Variants in SAMD5 observed in about 807,000 individuals in gnomAD.
SAMD5 encodes the protein sterile alpha motif domain containing 5.
In SAMD5, 13 loss-of-function variants were observed where a neutral mutation model predicts 11.3. The ratio of observed to expected loss-of-function variants is 1.15; its 90% CI spans 0.75 to 1.83. The LOEUF (loss-of-function observed/expected upper bound fraction) is 1.83. Ranked by LOEUF, SAMD5 falls within the 40% of genes most tolerant of loss-of-function variation. The pLI, the probability that SAMD5 is intolerant of heterozygous loss-of-function variation, is 0.00. For missense variants in SAMD5, 255 were observed against 239.1 expected (o/e 1.07, Z -0.44); for synonymous variants, 129 against 111.3 (o/e 1.16, Z -1.00).
chr6:147,877,889 A>C, the SAMD5 span, among the ~76,000 whole-genome samples: 1 of 76,790 alleles, frequency 1.3e-5, no homozygotes, highest in Admixed American at 1.5e-4. Context: ...CACGATAGAT[A>C]GATAGCTAGA....
At chr6:147,613,542 G>A (rs528159141) in intron 1 of SAMD5, among the ~76,000 whole-genome samples, 3 of 151,650 alleles carry the variant, frequency 2.0e-5, no homozygotes, top group East Asian at 3.9e-4. Flanking sequence ...CACCAGGCCC[G>A]CTGCCTGCTG....
At chr6:147,625,555 A>G (rs1036541467) in intron 1 of SAMD5, among the ~76,000 whole-genome samples, 23 of 152,202 alleles carry the variant, frequency 1.5e-4, no homozygotes, top group African/African-American at 5.5e-4. Flanking sequence ...ATATAAGGAT[A>G]TATTAAGATT....
chr6:147,527,804 G>T lies in SAMD5; in HGVS notation c.459+18417G>T, dbSNP rs1319047024. 4.0e-5 allele frequency among the ~76,000 whole-genome samples: 6 copies of T among 151,844 alleles called. No homozygotes were observed. The South Asian group carries it at 6.2e-4, about 16-fold the overall frequency. ...AAATAGGTGTTTTTAATAAAGAAAG[G>T]TTTTTTTTATAAAGAGGTAATTTAT... On this transcript the variant is annotated intron_variant, in intron 1 of 1. Transcript: ENST00000367474.
intron 1 of SAMD5, among the ~76,000 whole-genome samples, chr6:147,587,822 T>G (rs1411528764): frequency 6.6e-6 from 1 of 152,182 alleles, no homozygotes; most frequent in African/African-American, 2.4e-5. Flanking sequence ...CAATCACTTA[T>G]TTTGTTAAGT....
intron 1 of SAMD5, among the ~76,000 whole-genome samples, chr6:147,598,728 C>A (rs747513424): frequency 1.3e-5 from 2 of 152,120 alleles, no homozygotes; most frequent in African/African-American, 2.4e-5. Flanking sequence ...CTGACATGTG[C>A]GTGCATTCAT....
At chr6:147,581,948 A>G (rs1247015111) in intron 1 of SAMD5, among the ~76,000 whole-genome samples, 2 of 152,126 alleles carry the variant, frequency 1.3e-5, no homozygotes, top group African/African-American at 4.8e-5. Flanking sequence ...AAAGACACAG[A>G]AGGGAATGAG....
At chr6:147,951,487 C>T in the SAMD5 span, among the ~76,000 whole-genome samples, 1 of 152,118 alleles carries the variant, frequency 6.6e-6, no homozygotes, top group African/African-American at 2.4e-5. Flanking sequence ...AATGCCCTTT[C>T]TATACCAGAC....
At chr6:147,710,058 C>G (rs1791375023) in intron 1 of SAMD5, among the ~76,000 whole-genome samples, 1 of 152,186 alleles carries the variant, frequency 6.6e-6, no homozygotes, top group Admixed American at 6.5e-5. Context: ...CTTTTTGTGC[C>G]TGTTGTCAGT....
chr6:147,887,351 T>G, the SAMD5 span, among the ~76,000 whole-genome samples: 1 of 152,156 alleles, frequency 6.6e-6, no homozygotes, highest in Non-Finnish European at 1.5e-5. Flanking sequence ...TTGACCCCCA[T>G]TACCATCCAA....
At chr6:147,688,425 T>C (rs73014010) in intron 1 of SAMD5, among the ~76,000 whole-genome samples, 17,463 of 152,290 alleles carry the variant, frequency 0.11, 1,096 homozygotes, top group Middle Eastern at 0.16. Context: ...CATACTTTTA[T>C]TTCAGGCAGC....
chr6:147,878,596 CATATAT>C, the SAMD5 span, among the ~76,000 whole-genome samples: 1 of 143,672 alleles, frequency 7.0e-6, no homozygotes, highest in Admixed American at 7.0e-5. Context: ...GATATATATA[CATATAT>C]ATCTATATAG....
At chr6:147,720,803 T>G (rs969685699) in intron 1 of SAMD5, among the ~76,000 whole-genome samples, 37 of 148,982 alleles carry the variant, frequency 2.5e-4, no homozygotes, top group Non-Finnish European at 4.8e-4. Context: ...ACCCACTAAC[T>G]CGTCATCTAG....
the SAMD5 span, among the ~76,000 whole-genome samples, chr6:147,830,359 C>T: frequency 6.8e-6 from 1 of 146,056 alleles, no homozygotes; most frequent in South Asian, 2.2e-4. Flanking sequence ...CGGGTTCAAG[C>T]AATTTTCATG....
At chr6:147,557,387 C>T (rs1307797509) in intron 1 of SAMD5, among the ~76,000 whole-genome samples, 1 of 152,190 alleles carries the variant, frequency 6.6e-6, no homozygotes, top group Non-Finnish European at 1.5e-5. Context: ...AGTTTGTTTT[C>T]TCACAGTTCA....
the SAMD5 span, among the ~76,000 whole-genome samples, chr6:147,923,804 G>A: frequency 6.6e-6 from 1 of 152,212 alleles, no homozygotes; most frequent in Non-Finnish European, 1.5e-5. Flanking sequence ...GATGGGAGGG[G>A]CTGGAGAATC....
the SAMD5 span, among the ~76,000 whole-genome samples, chr6:147,925,650 A>G: frequency 3.5e-5 from 5 of 141,732 alleles, no homozygotes; most frequent in African/African-American, 1.1e-4. Flanking sequence ...ATGTTCAACT[A>G]TTATTCCTCC....
chr6:147,865,313 AGTGTGTGTGTGTGTGTGTGT>A, the SAMD5 span, among the ~76,000 whole-genome samples: 46,176 of 147,198 alleles, frequency 0.31, 7,807 homozygotes, highest in East Asian at 0.42. Context: ...TAGGTATATA[AGTGTGTGTGTGTGTGTGTGT>A]GTGTGTGTGT....
intron 1 of SAMD5, among the ~76,000 whole-genome samples, chr6:147,577,326 A>G (rs1385713975): frequency 1.3e-5 from 2 of 152,246 alleles, no homozygotes; most frequent in Non-Finnish European, 2.9e-5. Context: ...GCCCCTACCA[A>G]TACAAAGAAG....
At chr6:147,751,568 T>G in the SAMD5 span, among the ~76,000 whole-genome samples, 2 of 152,312 alleles carry the variant, frequency 1.3e-5, no homozygotes, top group Non-Finnish European at 2.9e-5. Flanking sequence ...TGGTTATAAT[T>G]AATGCATGCC....
Sources: gnomAD v4.1 joint callset for allele counts (sites outside exome capture counted in the v4.1 genomes callset) on GRCh38, gnomAD v4.1.1 for gene constraint, MANE v1.5 for transcripts, NCBI Gene and HGNC (gene_info 2026-07-23, HGNC 2026-07-21) for gene names.